ANO5: variants seen among roughly 807,000 people sequenced by gnomAD.
The protein encoded by ANO5 is anoctamin-5.
Under a neutral mutation model 121.0 loss-of-function variants are expected in ANO5, and 109 were observed. The ratio of observed to expected loss-of-function variants is 0.90; its 90% CI spans 0.77 to 1.06. The LOEUF is 1.06. Among genes scored for constraint, ANO5 ranks in the 50% least tolerant of loss-of-function variants. The pLI is 0.00. For missense variants in ANO5, 1,064 were observed against 1,078.5 expected (o/e 0.99, Z 0.19); for synonymous variants, 406 against 359.9 (o/e 1.13, Z -1.45).
chr11:22,235,154 G>GT lies in ANO5; in HGVS notation c.649-1000dup, dbSNP rs201212795. ...AATGTATTTTCAGGCCTAAATTCAG[G>GT]TTTTTTTTTAAATTTTAGAATACTA... On this transcript the variant is annotated intron_variant, in intron 7 of 21. Coordinates refer to ENST00000324559, the MANE Select transcript of ANO5 (RefSeq NM_213599.3). Among the ~76,000 whole-genome samples, 1,429 of 150,946 alleles carry GT rather than the reference G, an allele frequency of 9.5e-3. 30 individuals carry two copies. The highest frequency in any genetic ancestry group is 0.033 in the African/African-American group (1,367 of 41,176).
At chr11:22,224,101 C>T (rs1176621556) in intron 5 of ANO5, among the ~76,000 whole-genome samples, 3 of 151,802 alleles carry the variant, frequency 2.0e-5, no homozygotes, top group Non-Finnish European at 4.4e-5. Flanking sequence ...TTTCTTATTT[C>T]ACTAGTTGCT....
chr11:22,205,414 G>T (rs967693116), intron 2 of ANO5, among the ~76,000 whole-genome samples: 1 of 151,922 alleles, frequency 6.6e-6, no homozygotes, highest in African/African-American at 2.4e-5. Context: ...AGAACCAGAG[G>T]GAACTATGAA....
At chr11:22,213,227 T>C (rs1852337647) in intron 3 of ANO5, among the ~76,000 whole-genome samples, 1 of 151,944 alleles carries the variant, frequency 6.6e-6, no homozygotes, top group Admixed American at 6.6e-5. Context: ...ATAAAGTTCA[T>C]GCTTTATCCA....
intron 7 of ANO5, among the ~76,000 whole-genome samples, chr11:22,235,822 T>C (rs1853195820): frequency 6.6e-6 from 1 of 152,128 alleles, no homozygotes; most frequent in Admixed American, 6.6e-5. Context: ...CCAACTGAAC[T>C]GTTAGTAGTG....
chr11:22,208,940 G>A (rs1283915876), intron 2 of ANO5, among the ~76,000 whole-genome samples: 1 of 151,762 alleles, frequency 6.6e-6, no homozygotes, highest in Non-Finnish European at 1.5e-5. Context: ...CCATCTATGG[G>A]CAGGAGGCAG....
intron 9 of ANO5, among the ~76,000 whole-genome samples, chr11:22,241,839 T>C (rs1213772273): frequency 6.6e-6 from 1 of 151,942 alleles, no homozygotes; most frequent in Non-Finnish European, 1.5e-5. Context: ...ATACTGTAGA[T>C]TGTCTACTCT....
chr11:22,279,095 C>T (rs1854978249), intron 21 of ANO5, among the ~76,000 whole-genome samples: 1 of 151,716 alleles, frequency 6.6e-6, no homozygotes, highest in African/African-American at 2.4e-5. Context: ...TTGTTTTCAA[C>T]TCCAACTCAA....
chr11:22,211,353 C>G (rs757894646), intron 3 of ANO5, 39 bp downstream of exon 3: 3 of 1,583,632 alleles, frequency 1.9e-6, no homozygotes, highest in Non-Finnish European at 2.6e-6. Flanking sequence ...TGCATGGACA[C>G]AAATGGGGCA....
At chr11:22,202,241 C>G (rs1851987541) in intron 1 of ANO5, among the ~76,000 whole-genome samples, 1 of 151,984 alleles carries the variant, frequency 6.6e-6, no homozygotes, top group African/African-American at 2.4e-5. Context: ...TCGTTTTAAC[C>G]AATGTACAGA....
At chr11:22,276,932 G>A (rs554852043) in intron 21 of ANO5, among the ~76,000 whole-genome samples, 4 of 150,890 alleles carry the variant, frequency 2.7e-5, no homozygotes, top group Non-Finnish European at 4.4e-5. Flanking sequence ...TTTTTTTATT[G>A]TTATCAAGGT....
chr11:22,279,665 T>TC lies in ANO5; in HGVS notation c.2643dup (p.Asn882GlnfsTer10). ...ATCAAGATTCTCCATGATTTTGAGC[T>TC]CAACAAATTAAAAGAGAACTTGGGA... On this transcript the variant is annotated frameshift_variant, in exon 22 of 22. Transcript: ENST00000324559. LOFTEE classifies it low-confidence loss of function (END_TRUNC). 6.2e-7 allele frequency: 1 copy of TC among 1,612,928 alleles called. No homozygotes were observed. The highest frequency in any genetic ancestry group is 8.5e-7 in the Non-Finnish European group (1 of 1,179,168).
At position 22,227,299 on chromosome 11, in the gene ANO5, C is replaced by A. The variant is rs768376511; in HGVS notation, c.364-3C>A. The A allele has an allele frequency of 1.2e-5, 19 of 1,612,436 alleles. No homozygotes were observed. Among genetic ancestry groups the A allele is most frequent in the Admixed American group, 1.0e-4 (6 of 59,792 alleles). ...CTGCTGTTTTGCCTTTTTTTTAATGCAGGACTCGGAAGATGGAAGAACTTA... is the reference window on the plus strand; with the variant it reads ...CTGCTGTTTTGCCTTTTTTTTAATGAAGGACTCGGAAGATGGAAGAACTTA... On this transcript the variant is annotated splice_polypyrimidine_tract_variant and splice_region_variant and intron_variant, in intron 6 of 21. Coordinates refer to ENST00000324559, the MANE Select transcript of ANO5 (RefSeq NM_213599.3).
Position 22,236,194 on chromosome 11 carries a change from G to A in ANO5, c.680G>A (p.Gly227Asp). ...TATATTCTCTCAAGATGTCCTTTTGGCATAGAAGATGGGAAGAAAAGGTTT... is the reference window on the plus strand; with the variant it reads ...TATATTCTCTCAAGATGTCCTTTTGACATAGAAGATGGGAAGAAAAGGTTT... ...VYYILSRCPF[G>D]IEDGKKRFGI... Residue 227 changes from glycine (G) to aspartate (D), a missense_variant, in exon 8 of 22, where the codon GGC (glycine) becomes GAC (aspartate). Coordinates refer to ENST00000324559, the MANE Select transcript of ANO5 (RefSeq NM_213599.3). 1 of 1,613,116 alleles carries A rather than the reference G, an allele frequency of 6.2e-7. No homozygotes were observed. Among genetic ancestry groups the A allele is most frequent in the Non-Finnish European group, 8.5e-7 (1 of 1,179,376 alleles).
chr11:22,233,947 T>G (rs1238488023), intron 7 of ANO5, among the ~76,000 whole-genome samples: 1 of 152,108 alleles, frequency 6.6e-6, no homozygotes, highest in Non-Finnish European at 1.5e-5. Flanking sequence ...TTGGTAGCCA[T>G]TGCTTTGATT....
chr11:22,279,604 G>T lies in ANO5; in HGVS notation c.2581G>T (p.Val861Phe). The T allele has an allele frequency of 6.2e-7, 1 of 1,612,982 alleles. No homozygotes were observed. Among genetic ancestry groups the T allele is most frequent in the Non-Finnish European group, 8.5e-7 (1 of 1,179,194 alleles). ...GATGATACCTGATGTTCCAAAAGAT[G>T]TTGTGGAGAGAATCAAGAGAGAAAA... Reference protein sequence around the residue: ...AWMIPDVPKDVVERIKREKLM... With the variant: ...AWMIPDVPKDFVERIKREKLM... The change falls in exon 22 of 22, where the codon GTT (valine) becomes TTT (phenylalanine). Residue 861 changes from valine (V) to phenylalanine (F), a missense_variant. By Grantham distance (50) the Val-to-Phe change is conservative. Coordinates refer to ENST00000324559, the MANE Select transcript of ANO5 (RefSeq NM_213599.3).
Position 22,203,805 on chromosome 11 carries a change from G to T in ANO5, c.42G>T (p.Gly14=). The T allele has an allele frequency of 6.8e-7, 1 of 1,466,814 alleles. No homozygotes were observed. The highest frequency in any genetic ancestry group is 1.7e-5 in the Admixed American group (1 of 58,438). The allele number at this position is 1,466,814 out of a possible 1,614,324, so 90.9% of individuals were successfully genotyped here. The change falls in exon 2 of 22, where the codon GGG becomes GGT. Residue 14 remains glycine, a splice_region_variant and synonymous_variant. Transcript: ENST00000324559. ...TTTTCTCTTTCTTATTTAATTTAGGGGAAAAAGTCAATAAGCATATAGACT... is the reference window on the plus strand; with the variant it reads ...TTTTCTCTTTCTTATTTAATTTAGGTGAAAAAGTCAATAAGCATATAGACT... ...PDLLEVLAEE[G]EKVNKHIDYS...
At position 22,201,856 on chromosome 11, in the gene ANO5, C is replaced by T. The variant is rs374665682; in HGVS notation, c.41-1948C>T. Among the ~76,000 whole-genome samples, 34 of 152,292 alleles carry T rather than the reference C, an allele frequency of 2.2e-4. 1 individual carries two copies. Among genetic ancestry groups the T allele is most frequent in the Non-Finnish European group, 3.7e-4 (25 of 68,034 alleles). Reference sequence around the variant, plus strand: ...AAGGGCCTACCTCTCAACATTGTTGCATTGCAGATTGTTTCTGACACATAA... The same window carrying T: ...AAGGGCCTACCTCTCAACATTGTTGTATTGCAGATTGTTTCTGACACATAA... On this transcript the variant is annotated intron_variant, in intron 1 of 21. Coordinates refer to ENST00000324559, the MANE Select transcript of ANO5 (RefSeq NM_213599.3).
chr11:22,221,455 A>G (rs1435810529), intron 5 of ANO5, among the ~76,000 whole-genome samples: 1 of 152,026 alleles, frequency 6.6e-6, no homozygotes, highest in Non-Finnish European at 1.5e-5. Context: ...GATTCTTTTT[A>G]TAGCTCACTT....
At chr11:22,227,254 CA>C in intron 6 of ANO5, 47 bp from the exon 7 acceptor site, 1 of 1,601,506 alleles carries the variant, frequency 6.2e-7, no homozygotes. Context: ...AGCTCAATAA[CA>C]AACTGATCAG....
Sources: gnomAD v4.1 joint callset for allele counts (sites outside exome capture counted in the v4.1 genomes callset) on GRCh38, gnomAD v4.1.1 for gene constraint, MANE v1.5 for transcripts, NCBI Gene and HGNC (gene_info 2026-07-23, HGNC 2026-07-21) for gene names.